LRRTM3: variants seen among roughly 807,000 people sequenced by gnomAD.
LRRTM3 encodes leucine-rich repeat transmembrane neuronal protein 3.
In LRRTM3, 24 loss-of-function variants were observed where a neutral mutation model predicts 44.7. The ratio of observed to expected loss-of-function variants is 0.54; its 90% CI spans 0.39 to 0.76. The LOEUF (loss-of-function observed/expected upper bound fraction) is 0.76, where lower values mean the gene tolerates loss of function less well. Among genes scored for constraint, LRRTM3 ranks in the 30% least tolerant of loss-of-function variants. The probability of loss-of-function intolerance (pLI) is 0.00; values close to 1 mark genes in which losing one functional copy is unlikely to be tolerated. For missense variants in LRRTM3, 587 were observed against 702.2 expected (o/e 0.84, Z 1.85); for synonymous variants, 277 against 278.7 (o/e 0.99, Z 0.06).
intron 2 of LRRTM3, among the ~76,000 whole-genome samples, chr10:66,968,163 T>C (rs1589513508): frequency 6.6e-6 from 1 of 152,022 alleles, no homozygotes; most frequent in East Asian, 1.9e-4. Flanking sequence ...TAGATAGAAT[T>C]ACTCAAGAGC....
chr10:67,094,477 G>A (rs959589752), intron 2 of LRRTM3, among the ~76,000 whole-genome samples: 3 of 151,686 alleles, frequency 2.0e-5, no homozygotes, highest in East Asian at 1.9e-4. Context: ...GGGGAACAGT[G>A]TATAATTAAA....
chr10:67,097,250 T>C (rs1858054623), intron 2 of LRRTM3, among the ~76,000 whole-genome samples: 1 of 151,912 alleles, frequency 6.6e-6, no homozygotes. Context: ...TAATAGTGTT[T>C]ATCAGTTCTA....
intron 2 of LRRTM3, among the ~76,000 whole-genome samples, chr10:67,064,665 T>C (rs945928211): frequency 2.6e-5 from 4 of 152,138 alleles, no homozygotes; most frequent in Non-Finnish European, 5.9e-5. Flanking sequence ...TAAGGGTTTG[T>C]TTTGCTAAGT....
At chr10:67,030,492 CA>C (rs1168434450) in intron 2 of LRRTM3, among the ~76,000 whole-genome samples, 1 of 151,772 alleles carries the variant, frequency 6.6e-6, no homozygotes, top group Non-Finnish European at 1.5e-5. Context: ...CACACCCACA[CA>C]AAAAATATAT....
chr10:67,061,255 C>T (rs1175744294), intron 2 of LRRTM3, among the ~76,000 whole-genome samples: 3 of 152,092 alleles, frequency 2.0e-5, no homozygotes, highest in Non-Finnish European at 2.9e-5. Flanking sequence ...CTTTATTCTC[C>T]CCAACTATTA....
At chr10:66,983,995 T>C (rs1049876955) in intron 2 of LRRTM3, among the ~76,000 whole-genome samples, 3 of 152,186 alleles carry the variant, frequency 2.0e-5, no homozygotes, top group Admixed American at 6.6e-5. Flanking sequence ...TTGATGATAA[T>C]CGAGGCTTAG....
intron 2 of LRRTM3, among the ~76,000 whole-genome samples, chr10:66,990,566 A>C (rs1171053027): frequency 1.3e-5 from 2 of 152,178 alleles, no homozygotes; most frequent in Non-Finnish European, 2.9e-5. Context: ...TCTAATACCC[A>C]CATTTAGCAT....
intron 2 of LRRTM3, among the ~76,000 whole-genome samples, chr10:66,943,666 T>C (rs754296603): frequency 6.6e-6 from 1 of 152,142 alleles, no homozygotes; most frequent in Non-Finnish European, 1.5e-5. Context: ...TACTTAAACA[T>C]AGTTTTGTAC....
intron 2 of LRRTM3, among the ~76,000 whole-genome samples, chr10:66,973,415 C>T (rs545577951): frequency 6.6e-6 from 1 of 152,058 alleles, no homozygotes; most frequent in Non-Finnish European, 1.5e-5. Context: ...ACAATCTGAA[C>T]TAAATTGAAC....
chr10:67,055,158 T>G (rs894368035), intron 2 of LRRTM3: 3 of 152,178 alleles, frequency 2.0e-5, no homozygotes, highest in African/African-American at 7.2e-5. Flanking sequence ...TACGCATCTT[T>G]GAGACAGCTG....
chr10:67,040,224 C>G (rs1854307819), intron 2 of LRRTM3, among the ~76,000 whole-genome samples: 1 of 152,110 alleles, frequency 6.6e-6, no homozygotes, highest in Non-Finnish European at 1.5e-5. Flanking sequence ...TCTCTGTGAA[C>G]TTGACATTTG....
At chr10:66,951,516 G>C (rs1027207024) in intron 2 of LRRTM3, among the ~76,000 whole-genome samples, 4 of 152,152 alleles carry the variant, frequency 2.6e-5, no homozygotes, top group Non-Finnish European at 5.9e-5. Flanking sequence ...GATAGGTACT[G>C]TTTACTCATA....
chr10:67,090,120 G>GTTT (rs1857543305), intron 2 of LRRTM3, among the ~76,000 whole-genome samples: 1 of 151,946 alleles, frequency 6.6e-6, no homozygotes, highest in African/African-American at 2.4e-5. Flanking sequence ...AAACCCCAAA[G>GTTT]GTCTTCCTGA....
Position 67,098,511 on chromosome 10 carries a change from G to A in LRRTM3, c.*715G>A, listed in dbSNP as rs1307028376. 2.6e-5 allele frequency: 4 copies of A among 152,148 alleles called. No homozygotes were observed. Among genetic ancestry groups the A allele is most frequent in the Non-Finnish European group, 4.4e-5 (3 of 67,838 alleles). The allele number at this position is 152,148 out of a possible 1,614,324, so 9.4% of individuals were successfully genotyped here. A position where few individuals can be genotyped will look rare whatever the true frequency, so the allele number is the denominator to read the frequency against. ...TTAACAGTTCTCAGACTTAACTGTT[G>A]CCTTGAATTACAGCCTAGTTTCTAA... On this transcript the variant is annotated 3_prime_UTR_variant, in exon 3 of 3. Transcript: ENST00000361320.
intron 2 of LRRTM3, among the ~76,000 whole-genome samples, chr10:67,095,440 T>C (rs1273098988): frequency 6.6e-6 from 1 of 151,716 alleles, no homozygotes; most frequent in African/African-American, 2.4e-5. Flanking sequence ...GAAAATAATA[T>C]GTGGGATTTT....
chr10:67,094,018 G>C (rs1857817925), intron 2 of LRRTM3, among the ~76,000 whole-genome samples: 1 of 151,892 alleles, frequency 6.6e-6, no homozygotes, highest in Non-Finnish European at 1.5e-5. Context: ...CTCAGCATCT[G>C]ACTTCCTACT....
intron 2 of LRRTM3, among the ~76,000 whole-genome samples, chr10:67,049,476 A>G (rs1669539523): frequency 6.6e-6 from 1 of 152,184 alleles, no homozygotes; most frequent in African/African-American, 2.4e-5. Context: ...CTCTAAGAAT[A>G]TACATATTTC....
intron 2 of LRRTM3, among the ~76,000 whole-genome samples, chr10:67,072,658 C>G (rs2619652): frequency 6.6e-6 from 1 of 151,914 alleles, no homozygotes; most frequent in Admixed American, 6.6e-5. Flanking sequence ...CCATGACACT[C>G]CCTGGATTTT....
chr10:67,094,630 A>G (rs1040865072), intron 2 of LRRTM3, among the ~76,000 whole-genome samples: 2 of 151,812 alleles, frequency 1.3e-5, no homozygotes, highest in Non-Finnish European at 2.9e-5. Flanking sequence ...CAAAAGAATA[A>G]ACATACCTTG....
Sources: gnomAD v4.1 joint callset for allele counts (sites outside exome capture counted in the v4.1 genomes callset) on GRCh38, gnomAD v4.1.1 for gene constraint, MANE v1.5 for transcripts, NCBI Gene and HGNC (gene_info 2026-07-23, HGNC 2026-07-21) for gene names.